ERC2: variants seen among roughly 807,000 people sequenced by gnomAD.
The protein encoded by ERC2 is ELKS/RAB6-interacting/CAST family member 2, also known as ERC protein 2.
Under a neutral mutation model 114.8 loss-of-function variants are expected in ERC2, and 42 were observed. That is an observed-to-expected ratio of 0.37 (90% CI 0.29 to 0.47). The LOEUF (loss-of-function observed/expected upper bound fraction) is 0.47, where lower values mean the gene tolerates loss of function less well. Among genes scored for constraint, ERC2 ranks in the 20% least tolerant of loss-of-function variants. The probability of loss-of-function intolerance (pLI) is 0.99; values close to 1 mark genes in which losing one functional copy is unlikely to be tolerated. For synonymous variants in ERC2, 454 were observed against 425.5 expected, an observed-to-expected ratio of 1.07 and a Z score of -0.82; for missense variants, 939 against 1,150.7, an observed-to-expected ratio of 0.82 and a Z score of 2.66.
chr3:56,214,269 T>A, intron 3 of ERC2, among the ~76,000 whole-genome samples: 1 of 151,946 alleles, frequency 6.6e-6, no homozygotes, highest in African/African-American at 2.4e-5. Context: ...AATGGATAAC[T>A]AGAATAACCA....
intron 2 of ERC2, among the ~76,000 whole-genome samples, chr3:56,362,516 A>G (rs184059547): frequency 1.3e-5 from 2 of 152,320 alleles, no homozygotes; most frequent in East Asian, 3.9e-4. Flanking sequence ...GATAAGGAGA[A>G]GTAAATGGGA....
chr3:55,811,326 C>A (rs1175362611), intron 14 of ERC2, among the ~76,000 whole-genome samples: 1 of 151,852 alleles, frequency 6.6e-6, no homozygotes, highest in Non-Finnish European at 1.5e-5. Context: ...TCTTTCCTAT[C>A]AAAGAGCTTT....
At chr3:55,660,926 C>T (rs572497325) in intron 17 of ERC2, among the ~76,000 whole-genome samples, 8 of 152,240 alleles carry the variant, frequency 5.3e-5, no homozygotes, top group South Asian at 2.1e-4. Flanking sequence ...CATAAAGTAC[C>T]GTGCACAGCA....
chr3:56,206,455 G>A (rs532264357), intron 3 of ERC2, among the ~76,000 whole-genome samples: 20 of 152,282 alleles, frequency 1.3e-4, no homozygotes, highest in Non-Finnish European at 2.2e-4. Flanking sequence ...TGTTAGGTGA[G>A]TTGTCACCAT....
chr3:55,845,831 T>C (rs886546584), intron 14 of ERC2, among the ~76,000 whole-genome samples: 1 of 152,234 alleles, frequency 6.6e-6, no homozygotes. Context: ...GGCAGCCATG[T>C]ACACCAAAGG....
At chr3:56,430,001 C>A (rs185622470) in intron 2 of ERC2, among the ~76,000 whole-genome samples, 1 of 152,290 alleles carries the variant, frequency 6.6e-6, no homozygotes, top group Admixed American at 6.5e-5. Context: ...AAGGAAAGGG[C>A]TGGGTTAGTT....
At chr3:55,583,945 T>G (rs2057457830) in intron 17 of ERC2, among the ~76,000 whole-genome samples, 1 of 152,112 alleles carries the variant, frequency 6.6e-6, no homozygotes, top group Admixed American at 6.5e-5. Context: ...CTTTCTGGGA[T>G]AGAATTTTGG....
chr3:55,627,923 G>A (rs931961832), intron 17 of ERC2, among the ~76,000 whole-genome samples: 2 of 147,226 alleles, frequency 1.4e-5, no homozygotes, highest in African/African-American at 5.0e-5. Context: ...GGGGGCGGGG[G>A]TCATATTTTA....
intron 1 of ERC2, among the ~76,000 whole-genome samples, chr3:56,446,547 C>T (rs1192772991): frequency 1.3e-5 from 2 of 150,608 alleles, no homozygotes; most frequent in Admixed American, 6.6e-5. Flanking sequence ...CCAGAAAGTA[C>T]TGAGAGGACA....
At chr3:56,385,016 C>T (rs112371048) in intron 2 of ERC2, among the ~76,000 whole-genome samples, 23 of 152,144 alleles carry the variant, frequency 1.5e-4, no homozygotes, top group African/African-American at 5.5e-4. Context: ...ATTTCTGGGC[C>T]CTTGTTTCTT....
At chr3:56,045,998 G>C (rs2075436474) in intron 7 of ERC2, among the ~76,000 whole-genome samples, 1 of 152,154 alleles carries the variant, frequency 6.6e-6, no homozygotes, top group Non-Finnish European at 1.5e-5. Flanking sequence ...CTGAATACCT[G>C]ATAATGCAGA....
In ERC2 at chr3:55,691,586, A is replaced by G. The variant is rs1223454475; in HGVS notation, c.2848-7727T>C. Among the ~76,000 whole-genome samples the G allele has an allele frequency of 1.9e-3, 255 of 133,956 alleles. 4 individuals carry two copies. The highest frequency in any genetic ancestry group is 7.0e-3 in the African/African-American group (243 of 34,514). The allele number at this position is 133,956 out of a possible 152,430, so 87.9% of individuals were successfully genotyped here. A position where few individuals can be genotyped will look rare whatever the true frequency, so the allele number is the denominator to read the frequency against. On this transcript the variant is annotated intron_variant, in intron 16 of 17. Transcript: ENST00000288221. ...AAAAAAAAAAAAAATATATATATAT[A>G]TATATATATATATATACTGTCTCTT...
At chr3:55,669,125 G>T (rs2061463435) in intron 17 of ERC2, among the ~76,000 whole-genome samples, 1 of 152,110 alleles carries the variant, frequency 6.6e-6, no homozygotes, top group Non-Finnish European at 1.5e-5. Flanking sequence ...TTGGTTGTTG[G>T]CATTTCAGGT....
intron 7 of ERC2, among the ~76,000 whole-genome samples, chr3:56,073,853 A>G (rs2076853022): frequency 6.6e-6 from 1 of 152,198 alleles, no homozygotes; most frequent in African/African-American, 2.4e-5. Context: ...AAGCAGTAAA[A>G]CAATCTTAGA....
intron 6 of ERC2, among the ~76,000 whole-genome samples, chr3:56,111,421 C>T (rs190956728): frequency 3.3e-5 from 5 of 151,616 alleles, no homozygotes; most frequent in East Asian, 1.9e-4. Context: ...TCTATCCCCC[C>T]CTCTCTCTCA....
chr3:55,602,025 T>G (rs111555412), intron 17 of ERC2, among the ~76,000 whole-genome samples: 1 of 152,140 alleles, frequency 6.6e-6, no homozygotes, highest in African/African-American at 2.4e-5. Context: ...TCTGAATGGG[T>G]GGATGGATAA....
At chr3:56,038,386 C>T (rs1378495863) in intron 7 of ERC2, among the ~76,000 whole-genome samples, 2 of 152,104 alleles carry the variant, frequency 1.3e-5, no homozygotes, top group Non-Finnish European at 2.9e-5. Context: ...CAATGAGATA[C>T]TATCTCACGC....
At chr3:55,694,631 G>A (rs1472584851) in intron 16 of ERC2, among the ~76,000 whole-genome samples, 1 of 152,340 alleles carries the variant, frequency 6.6e-6, no homozygotes, top group East Asian at 1.9e-4. Context: ...GAAGAGGAGA[G>A]AAGAGTTTTC....
At chr3:55,989,608 T>C (rs541170323) in intron 11 of ERC2, among the ~76,000 whole-genome samples, 11 of 152,338 alleles carry the variant, frequency 7.2e-5, no homozygotes, top group African/African-American at 2.4e-4. Context: ...GAAGGGATTG[T>C]TCTCAATGGC....
Sources: gnomAD v4.1 joint callset for allele counts (sites outside exome capture counted in the v4.1 genomes callset) on GRCh38, gnomAD v4.1.1 for gene constraint, MANE v1.5 for transcripts, NCBI Gene and HGNC (gene_info 2026-07-23, HGNC 2026-07-21) for gene names.